Variants in CAMTA1 observed in about 807,000 individuals in gnomAD.
The protein encoded by CAMTA1 is calmodulin-binding transcription activator 1.
In CAMTA1, 27 loss-of-function variants were observed where a neutral mutation model predicts 170.9. The ratio of observed to expected loss-of-function variants is 0.16; its 90% CI spans 0.12 to 0.22. The LOEUF is 0.22. Ranked by LOEUF, CAMTA1 falls within the 10% of genes least tolerant of loss-of-function variation. The pLI is 1.00. For synonymous variants in CAMTA1, 833 were observed against 891.5 expected, an observed-to-expected ratio of 0.93 and a Z score of 1.17; for missense variants, 1,619 against 2,217.2, an observed-to-expected ratio of 0.73 and a Z score of 5.42.
At chr1:6,865,161 G>T (rs1666150039) in intron 3 of CAMTA1, among the ~76,000 whole-genome samples, 1 of 152,068 alleles carries the variant, frequency 6.6e-6, no homozygotes, top group Admixed American at 6.5e-5. Context: ...TAGCATGCCA[G>T]TATGCAAAAA....
intron 5 of CAMTA1, among the ~76,000 whole-genome samples, chr1:7,308,917 C>G (rs921292056): frequency 6.6e-6 from 1 of 152,192 alleles, no homozygotes; most frequent in African/African-American, 2.4e-5. Flanking sequence ...AGTACTGAAG[C>G]TTCCAGCTAT....
chr1:7,129,582 C>T (rs1645129518), intron 4 of CAMTA1, among the ~76,000 whole-genome samples: 1 of 152,132 alleles, frequency 6.6e-6, no homozygotes, highest in South Asian at 2.1e-4. Flanking sequence ...TTTGCCTCAG[C>T]TTTTGTATCT....
chr1:7,449,942 C>T (rs1464162392), intron 5 of CAMTA1, among the ~76,000 whole-genome samples: 1 of 152,088 alleles, frequency 6.6e-6, no homozygotes. Flanking sequence ...GCAACAAGAC[C>T]ACCAGGTGGC....
chr1:6,984,678 A>G (rs1695064628), intron 3 of CAMTA1, among the ~76,000 whole-genome samples: 2 of 152,306 alleles, frequency 1.3e-5, no homozygotes, highest in South Asian at 4.1e-4. Flanking sequence ...TTCAGGCAGG[A>G]CCTGGGCCAG....
intron 4 of CAMTA1, among the ~76,000 whole-genome samples, chr1:7,151,757 C>T (rs1646594052): frequency 6.6e-6 from 1 of 152,180 alleles, no homozygotes; most frequent in African/African-American, 2.4e-5. Context: ...CATTGGGAGG[C>T]CCTGGAGGGA....
chr1:7,128,203 GGTTTCCC>G, intron 4 of CAMTA1, among the ~76,000 whole-genome samples: 1 of 152,206 alleles, frequency 6.6e-6, no homozygotes, highest in South Asian at 2.1e-4. Flanking sequence ...GCCTGTGCCC[GGTTTCCC>G]CCTACCTCGC....
chr1:6,833,070 G>A (rs931602185), intron 3 of CAMTA1, among the ~76,000 whole-genome samples: 1 of 152,196 alleles, frequency 6.6e-6, no homozygotes, highest in African/African-American at 2.4e-5. Context: ...AAAAGCTGGG[G>A]CGGAATGTCC....
chr1:7,664,315 G>T lies in CAMTA1; in HGVS notation c.1768G>T (p.Asp590Tyr). ...GGAGCAGATGGACTTCAGCGCCATC[G>T]ACTCCAACAAGGACTACACGTCCAG... is the stretch of plus-strand genomic sequence containing the variant. ...TLEQMDFSAI[D>Y]SNKDYTSSFS... The change falls in exon 9 of 23, where the codon GAC becomes TAC. Residue 590 changes from aspartate (D) to tyrosine (Y), a missense_variant. Transcript: ENST00000303635. The T allele has an allele frequency of 6.2e-7, 1 of 1,613,292 alleles. No homozygotes were observed. Among genetic ancestry groups the T allele is most frequent in the Non-Finnish European group, 8.5e-7 (1 of 1,180,014 alleles).
At chr1:7,362,666 A>G (rs1415812423) in intron 5 of CAMTA1, among the ~76,000 whole-genome samples, 1 of 151,712 alleles carries the variant, frequency 6.6e-6, no homozygotes, top group Non-Finnish European at 1.5e-5. Context: ...GAACTTGGGT[A>G]GGACTGGTGG....
In CAMTA1 at chr1:7,093,534, A is replaced by G. The variant is rs561745349; in HGVS notation, c.302+2163A>G. ...CTCTGGAATGCGTCCTGGGCCAGAC[A>G]TCTGATTTCAGATACGCAGACCCGT... On this transcript the variant is annotated intron_variant, in intron 4 of 22. Transcript: ENST00000303635. The surrounding 1 kb of genome is among the most constrained non-coding windows in gnomAD (Gnocchi z 4.6). Among the ~76,000 whole-genome samples the G allele has an allele frequency of 9.2e-5, 14 of 152,310 alleles. No individual in the cohort carries two copies. The highest frequency in any genetic ancestry group is 2.6e-4 in the Admixed American group (4 of 15,298).
chr1:7,584,652 C>A (rs911403267), intron 6 of CAMTA1, among the ~76,000 whole-genome samples: 1 of 152,188 alleles, frequency 6.6e-6, no homozygotes, highest in Non-Finnish European at 1.5e-5. Flanking sequence ...GTTCTGCCCC[C>A]ATGGGGTTTA....
intron 11 of CAMTA1, among the ~76,000 whole-genome samples, chr1:7,706,503 C>G (rs2096526537): frequency 6.6e-6 from 1 of 152,188 alleles, no homozygotes; most frequent in African/African-American, 2.4e-5. Context: ...AAGAGAAATG[C>G]ATTATGCAGA....
At chr1:7,085,685 G>A (rs1558074955) in intron 3 of CAMTA1, among the ~76,000 whole-genome samples, 1 of 152,260 alleles carries the variant, frequency 6.6e-6, no homozygotes, top group Non-Finnish European at 1.5e-5. Flanking sequence ...GGCGTGAAGG[G>A]CAGGAGTCAG....
At chr1:7,341,428 G>A (rs1379504789) in intron 5 of CAMTA1, among the ~76,000 whole-genome samples, 1 of 152,268 alleles carries the variant, frequency 6.6e-6, no homozygotes, top group African/African-American at 2.4e-5. Flanking sequence ...ATCCTGTCCA[G>A]TGAAACGAAA....
intron 6 of CAMTA1, among the ~76,000 whole-genome samples, chr1:7,586,567 G>T (rs1245353058): frequency 6.6e-6 from 1 of 152,096 alleles, no homozygotes; most frequent in Non-Finnish European, 1.5e-5. Context: ...GCACCACCCC[G>T]TCCCCATGGG....
At chr1:7,451,686 C>G (rs902536937) in intron 5 of CAMTA1, among the ~76,000 whole-genome samples, 1 of 152,154 alleles carries the variant, frequency 6.6e-6, no homozygotes, top group African/African-American at 2.4e-5. Context: ...TGAGCACGTT[C>G]TCTGTGGCTG....
chr1:7,517,273 G>T (rs977516782), intron 6 of CAMTA1, among the ~76,000 whole-genome samples: 1 of 152,086 alleles, frequency 6.6e-6, no homozygotes, highest in African/African-American at 2.4e-5. Context: ...TTTCATGTTG[G>T]TCTGGTTATA....
At chr1:7,045,939 A>G (rs1038682242) in intron 3 of CAMTA1, among the ~76,000 whole-genome samples, 1 of 152,224 alleles carries the variant, frequency 6.6e-6, no homozygotes, top group African/African-American at 2.4e-5. Context: ...TGCACTGAAG[A>G]AAATAAAACA....
intron 5 of CAMTA1, among the ~76,000 whole-genome samples, chr1:7,341,581 G>A (rs770640875): frequency 1.3e-5 from 2 of 152,332 alleles, no homozygotes; most frequent in East Asian, 1.9e-4. Context: ...TGCAAATGAC[G>A]ACGAAAGCAG....
Sources: gnomAD v4.1 joint callset for allele counts (sites outside exome capture counted in the v4.1 genomes callset) on GRCh38, gnomAD v4.1.1 for gene constraint, Gnocchi (gnomAD v3.1) non-coding constraint, MANE v1.5 for transcripts, NCBI Gene and HGNC (gene_info 2026-07-23, HGNC 2026-07-21) for gene names.